Variants in NFAM1 observed in about 807,000 individuals in gnomAD.
NFAM1 encodes the protein NFAT activation molecule 1.
A neutral mutation model predicts 29.0 loss-of-function variants in NFAM1; 17 were observed. The ratio of observed to expected loss-of-function variants is 0.59; its 90% CI spans 0.40 to 0.88. The LOEUF (loss-of-function observed/expected upper bound fraction) is 0.88, where lower values mean the gene tolerates loss of function less well. NFAM1 is among the 40% of genes least tolerant of loss of function. The pLI is 0.00. For synonymous variants in NFAM1, 175 were observed against 147.2 expected (o/e 1.19, Z -1.36); for missense variants, 324 against 344.6 (o/e 0.94, Z 0.47).
intron 1 of NFAM1, among the ~76,000 whole-genome samples, chr22:42,412,423 G>A (rs73417121): frequency 0.039 from 5,931 of 152,244 alleles, 367 homozygotes; most frequent in African/African-American, 0.14. Context: ...GAGTCTGAGG[G>A]TCAGGGAGTT....
At chr22:42,397,194 C>T (rs906809200) in intron 4 of NFAM1, among the ~76,000 whole-genome samples, 3 of 152,212 alleles carry the variant, frequency 2.0e-5, no homozygotes, top group African/African-American at 7.2e-5. Context: ...GGGCTGCATG[C>T]TGGCTGGCTG....
chr22:42,430,379 G>A (rs1182726400), intron 1 of NFAM1, among the ~76,000 whole-genome samples: 1 of 152,208 alleles, frequency 6.6e-6, no homozygotes, highest in Non-Finnish European at 1.5e-5. Context: ...GGCCAACATG[G>A]CAAAACTCTG....
intron 2 of NFAM1, among the ~76,000 whole-genome samples, chr22:42,410,117 T>C (rs1930032437): frequency 6.6e-6 from 1 of 152,170 alleles, no homozygotes; most frequent in Non-Finnish European, 1.5e-5. Flanking sequence ...GCACTGCCTA[T>C]TGTCAGCCAC....
chr22:42,437,125 G>GA, upstream of NFAM1: 2 of 247,424 alleles, frequency 8.1e-6, no homozygotes, highest in Non-Finnish European at 5.7e-6. Flanking sequence ...AAGGTGGCAT[G>GA]ATTTTTTCTT....
chr22:42,385,369 C>T (rs1264537233), intron 5 of NFAM1, 149 bp from the exon 6 acceptor site: 1 of 668,030 alleles, frequency 1.5e-6, no homozygotes, highest in East Asian at 2.7e-5. Flanking sequence ...TCTCCAAGCC[C>T]ACCTCCCCAG....
intron 1 of NFAM1, among the ~76,000 whole-genome samples, chr22:42,427,502 G>A: frequency 6.6e-6 from 1 of 152,324 alleles, no homozygotes; most frequent in East Asian, 1.9e-4. Flanking sequence ...CGTGCTGGGA[G>A]TCAAGGATTA....
chr22:42,387,997 G>C (rs1292741971), intron 4 of NFAM1, among the ~76,000 whole-genome samples: 1 of 152,246 alleles, frequency 6.6e-6, no homozygotes, highest in African/African-American at 2.4e-5. Flanking sequence ...ACCATGCCTA[G>C]TCTATCTCTG....
rs1356758364 is a variant in NFAM1 at position 42,388,407 on chromosome 22, C to T, written c.664-1329G>A. On this transcript the variant is annotated intron_variant, in intron 4 of 5. Coordinates refer to ENST00000329021, the MANE Select transcript of NFAM1 (RefSeq NM_145912.8). The surrounding 1 kb of genome is among the most constrained non-coding windows in gnomAD (Gnocchi z 4.1). ...TGAATGGTCAAGAGAAGCATGAGGC[C>T]TGCCCACCTCCCCTCTCTGGGATCA... is the stretch of plus-strand genomic sequence containing the variant. 2.6e-5 allele frequency among the ~76,000 whole-genome samples: 4 copies of T among 152,234 alleles called. No individual in the cohort carries two copies. The highest frequency in any genetic ancestry group is 9.6e-5 in the African/African-American group (4 of 41,460).
At chr22:42,394,065 C>T (rs1168185213) in intron 4 of NFAM1, among the ~76,000 whole-genome samples, 2 of 151,938 alleles carry the variant, frequency 1.3e-5, no homozygotes, top group East Asian at 1.9e-4. Flanking sequence ...GACGGAGTTT[C>T]GCTCTTGCTG....
At chr22:42,397,071 G>A (rs1298560426) in intron 4 of NFAM1, among the ~76,000 whole-genome samples, 1 of 149,310 alleles carries the variant, frequency 6.7e-6, no homozygotes, top group Non-Finnish European at 1.5e-5. Context: ...GCTGGCACTG[G>A]GTGGCATTTC....
upstream of NFAM1, chr22:42,437,030 C>A: frequency 1.0e-6 from 1 of 983,828 alleles, no homozygotes; most frequent in Non-Finnish European, 1.2e-6. Context: ...TGCTCAGTTT[C>A]TGGGAGGCAG....
At chr22:42,394,440 T>TA (rs1174737220) in intron 4 of NFAM1, among the ~76,000 whole-genome samples, 1 of 152,204 alleles carries the variant, frequency 6.6e-6, no homozygotes, top group Admixed American at 6.6e-5. Context: ...GCAATCCTCC[T>TA]ACCTCAGCCT....
chr22:42,435,228 G>A (rs1463155873), upstream of NFAM1, among the ~76,000 whole-genome samples: 3 of 152,212 alleles, frequency 2.0e-5, no homozygotes, highest in African/African-American at 7.2e-5. Context: ...TGGAAGCTGG[G>A]TGGGGAAATG....
intron 1 of NFAM1, among the ~76,000 whole-genome samples, chr22:42,425,021 A>G (rs933833012): frequency 9.9e-5 from 15 of 151,990 alleles, no homozygotes; most frequent in Admixed American, 7.2e-4. Flanking sequence ...TCCCAGGTTC[A>G]AACAATTCTC....
At chr22:42,421,043 G>GC (rs1051816428) in intron 1 of NFAM1, among the ~76,000 whole-genome samples, 12 of 152,176 alleles carry the variant, frequency 7.9e-5, no homozygotes, top group Non-Finnish European at 1.5e-4. Flanking sequence ...CTACAGGCTG[G>GC]CCCTGTGACA....
Position 42,432,220 on chromosome 22 carries a change from A to G in NFAM1, c.121+17T>C. The G allele has an allele frequency of 6.4e-7, 1 of 1,564,450 alleles. No individual in the cohort carries two copies. The highest frequency in any genetic ancestry group is 8.7e-7 in the Non-Finnish European group (1 of 1,153,014). On this transcript the variant is annotated intron_variant, in intron 1 of 5. Transcript: ENST00000329021. ...CTGGAGCGAGAGAGTAGAGAGAAGG[A>G]GGAAGACAGACACTACCTGCCAGTC...
At chr22:42,387,351 T>C (rs1929185562) in intron 4 of NFAM1, among the ~76,000 whole-genome samples, 1 of 152,124 alleles carries the variant, frequency 6.6e-6, no homozygotes, top group Non-Finnish European at 1.5e-5. Flanking sequence ...GAGGGTTCTA[T>C]CCAGGCTTCC....
chr22:42,394,488 T>C (rs1929453825), intron 4 of NFAM1, among the ~76,000 whole-genome samples: 2 of 152,200 alleles, frequency 1.3e-5, no homozygotes, highest in African/African-American at 4.8e-5. Context: ...GCCACCACAT[T>C]ACATTAAGCA....
Position 42,399,183 on chromosome 22 carries a change from G to A in NFAM1, c.565-1227C>T, listed in dbSNP as rs1021588742. 2.0e-5 allele frequency among the ~76,000 whole-genome samples: 3 copies of A among 152,236 alleles called. No homozygotes were observed. In the South Asian group the frequency reaches 6.2e-4, roughly 32 times the overall value. ...AGGCCAGGCACGGTGGCTCATGCCTGTAATCCCAGCACTTTGGGACTCGGA... is the reference window on the plus strand; with the variant it reads ...AGGCCAGGCACGGTGGCTCATGCCTATAATCCCAGCACTTTGGGACTCGGA... On this transcript the variant is annotated intron_variant, in intron 3 of 5. Coordinates refer to ENST00000329021, the MANE Select transcript of NFAM1 (RefSeq NM_145912.8).
Sources: gnomAD v4.1 joint callset for allele counts (sites outside exome capture counted in the v4.1 genomes callset) on GRCh38, gnomAD v4.1.1 for gene constraint, Gnocchi (gnomAD v3.1) non-coding constraint, MANE v1.5 for transcripts, NCBI Gene and HGNC (gene_info 2026-07-23, HGNC 2026-07-21) for gene names.